Variants in SBF1 observed in about 807,000 individuals in gnomAD.
The protein encoded by SBF1 is myotubularin-related protein 5.
SBF1 carries 65 observed loss-of-function variants against 215.8 expected under a neutral mutation model. The observed-to-expected ratio is 0.30, with a 90% CI of 0.25 to 0.37. The LOEUF is 0.37. Among genes scored for constraint, SBF1 ranks in the 10% least tolerant of loss-of-function variants. The pLI is 1.00. For missense variants in SBF1, 2,634 were observed against 2,667.8 expected (o/e 0.99, Z 0.28); for synonymous variants, 1,410 against 1,122.8 (o/e 1.26, Z -5.11).
chr22:50,465,649 T>C, intron 10 of SBF1, 114 bp downstream of exon 10: 1 of 972,476 alleles, frequency 1.0e-6, no homozygotes, highest in Non-Finnish European at 1.5e-6. Flanking sequence ...CTGCTTCTGC[T>C]ACTGGAGCCG....
In SBF1 at chr22:50,467,810, G is replaced by A; in HGVS notation, c.255C>T (p.Phe85=). Reference sequence around the variant, plus strand: ...CCTGTGAAGGCTCCGCTGGCTCCCAGAAGGTCAAGCAGGCGCAGTAGTGGC... The same window carrying A: ...CCTGTGAAGGCTCCGCTGGCTCCCAAAAGGTCAAGCAGGCGCAGTAGTGGC... ...SERHYCACLT[F]WEPAEPSQET... is the part of the protein sequence containing the mutation. Residue 85 remains phenylalanine (F), a synonymous_variant, in exon 3 of 41, where the codon TTC becomes TTT. Transcript: ENST00000380817. 1.2e-6 allele frequency: 2 copies of A among 1,613,984 alleles called. No homozygotes were observed. Among genetic ancestry groups the A allele is most frequent in the Non-Finnish European group, 1.7e-6 (2 of 1,179,972 alleles).
At position 50,446,798 on chromosome 22, in the gene SBF1, C is replaced by T. The variant is rs1448861497; in HGVS notation, c.*344G>A. 3.3e-6 allele frequency: 2 copies of T among 612,578 alleles called. No individual in the cohort carries two copies. The highest frequency in any genetic ancestry group is 6.2e-6 in the Non-Finnish European group (2 of 323,420). 37.9% of individuals were successfully genotyped at this position (612,578 alleles called of 1,614,324 possible). ...AGCCGGGGAGTGGGGAAGGCAGGCA[C>T]AGGAGCGTGGCGTTAGTTCTCTCTT... On this transcript the variant is annotated 3_prime_UTR_variant, in exon 41 of 41. Coordinates refer to ENST00000380817, the MANE Select transcript of SBF1 (RefSeq NM_002972.4).
chr22:50,456,741 C>A lies in SBF1; in HGVS notation c.3905-68G>T, dbSNP rs542885915. ...CACCACTTACCTGGGGCTGGCTGGG[C>A]CCGGCCTCCAGGGAGGGGGCTGAGC... On this transcript the variant is annotated intron_variant, in intron 29 of 40. Transcript: ENST00000380817. The A allele has an allele frequency of 4.5e-5, 62 of 1,367,342 alleles. No individual in the cohort carries two copies. In the African/African-American group the frequency reaches 9.1e-4, roughly 20 times the overall value. 84.7% of individuals were successfully genotyped at this position (1,367,342 alleles called of 1,614,324 possible).
In SBF1 at chr22:50,456,538, G is replaced by A. The variant is rs750323488; in HGVS notation, c.4040C>T (p.Pro1347Leu). 17 of 1,590,150 alleles carry A rather than the reference G, an allele frequency of 1.1e-5. No individual in the cohort carries two copies. The highest frequency in any genetic ancestry group is 6.8e-5 in the South Asian group (6 of 87,666). The part of the protein sequence containing the change: ...GGPPDPGFLR[P>L]QRAALYILGD... ...AAGGATATAGAGGGCTGCTCGCTGC[G>A]GACGCAGGAAGCCCGGGTCGGGAGG... The change falls in exon 30 of 41, where the codon CCG (proline) becomes CTG (leucine). Residue 1347 changes from proline (P) to leucine (L), a missense_variant. Transcript: ENST00000380817.
In SBF1 at chr22:50,464,744, G is replaced by A. The variant is rs1320657700; in HGVS notation, c.1432-6C>T. 3 of 1,608,530 alleles carry A rather than the reference G, an allele frequency of 1.9e-6. No homozygotes were observed. The highest frequency in any genetic ancestry group is 1.7e-5 in the Admixed American group (1 of 59,874). Reference sequence around the variant, plus strand: ...ACGGCTGGGTACGGGTTCTCCTGTGGGGAGACGGCAGGTGTGGGGCAGGGG... The same window carrying A: ...ACGGCTGGGTACGGGTTCTCCTGTGAGGAGACGGCAGGTGTGGGGCAGGGG... On this transcript the variant is annotated splice_region_variant and splice_polypyrimidine_tract_variant and intron_variant, in intron 13 of 40. Coordinates refer to ENST00000380817, the MANE Select transcript of SBF1 (RefSeq NM_002972.4).
At position 50,460,338 on chromosome 22, in the gene SBF1, A is replaced by T. The variant is rs1489677378; in HGVS notation, c.3217T>A (p.Tyr1073Asn). ...CGGTGCTCCCAGCTGGGGGGGTTGT[A>T]CTTCTTGCGAGTGACATGCTGCCGC... ...IGRQHVTRKK[Y>N]NPPSWEHRGQ... Residue 1073 changes from tyrosine (Y) to asparagine (N), a missense_variant, in exon 25 of 41, where the codon TAC becomes AAC. Coordinates refer to ENST00000380817, the MANE Select transcript of SBF1 (RefSeq NM_002972.4). The T allele has an allele frequency of 3.1e-6, 5 of 1,613,270 alleles. No homozygotes were observed. The highest frequency in any genetic ancestry group is 3.4e-6 in the Non-Finnish European group (4 of 1,179,578).
At position 50,458,723 on chromosome 22, in the gene SBF1, G is replaced by A. The variant is rs114381788; in HGVS notation, c.3826+532C>T. Among the ~76,000 whole-genome samples, 757 of 152,334 alleles carry A rather than the reference G, an allele frequency of 5.0e-3. 5 individuals carry two copies. The highest frequency in any genetic ancestry group is 0.018 in the African/African-American group (733 of 41,566). On this transcript the variant is annotated intron_variant, in intron 28 of 40. Transcript: ENST00000380817. ...GCGCCTGTGAAGTGTGCGTGGCGGTGGGGACAGAGACAGCAAGGCCAGCTC... is the reference window on the plus strand; with the variant it reads ...GCGCCTGTGAAGTGTGCGTGGCGGTAGGGACAGAGACAGCAAGGCCAGCTC...
chr22:50,451,831 A>G (rs1375524360), intron 36 of SBF1, among the ~76,000 whole-genome samples: 1 of 148,708 alleles, frequency 6.7e-6, no homozygotes, highest in Non-Finnish European at 1.5e-5. Flanking sequence ...AGTCTCACTC[A>G]TGTCGCCCAG....
chr22:50,447,983 C>T (rs1283249050), intron 38 of SBF1, among the ~76,000 whole-genome samples: 2 of 152,220 alleles, frequency 1.3e-5, no homozygotes, highest in Non-Finnish European at 2.9e-5. Flanking sequence ...GCAGCAGCTG[C>T]CTGGGATGGA....
intron 26 of SBF1, 36 bp downstream of exon 26, chr22:50,459,916 T>C (rs766404523): frequency 2.8e-5 from 45 of 1,607,166 alleles, no homozygotes; most frequent in Non-Finnish European, 3.7e-5. Context: ...CCCAGTCACG[T>C]GTCCACCACC....
chr22:50,452,739 A>C (rs1234124405), intron 36 of SBF1, among the ~76,000 whole-genome samples: 2 of 150,896 alleles, frequency 1.3e-5, no homozygotes, highest in East Asian at 3.9e-4. Flanking sequence ...AAAAAAAAAA[A>C]AAAAAAAAAA....
chr22:50,459,892 G>A (rs1049842841), intron 26 of SBF1, 60 bp downstream of exon 26: 87 of 1,571,514 alleles, frequency 5.5e-5, no homozygotes, highest in South Asian at 8.9e-5. Context: ...GGCCCACAGC[G>A]GGCAGGGAAG....
Position 50,466,858 on chromosome 22 carries a change from G to A in SBF1, c.550-148C>T, listed in dbSNP as rs575218579. On this transcript the variant is annotated intron_variant, in intron 5 of 40. Transcript: ENST00000380817. ...ATGGGCAACATGGCAAGAGGGAAAC[G>A]CCATGCCCTGCCTCTGTTGTCCCAA... 2,182 of 600,954 alleles carry A rather than the reference G, an allele frequency of 3.6e-3. 10 individuals are homozygous for A. Among genetic ancestry groups the A allele is most frequent in the South Asian group, 7.0e-3 (324 of 45,970 alleles). The allele number at this position is 600,954 out of a possible 1,614,324, so 37.2% of individuals were successfully genotyped here.
intron 31 of SBF1, 87 bp downstream of exon 31, chr22:50,456,129 C>A: frequency 7.2e-7 from 1 of 1,395,242 alleles, no homozygotes; most frequent in Non-Finnish European, 9.7e-7. Flanking sequence ...CACTGTCAGA[C>A]AAGCAAACCT....
intron 1 of SBF1, 53 bp from the exon 2 acceptor site, chr22:50,468,514 G>A (rs2067875990): frequency 3.0e-6 from 4 of 1,326,440 alleles, no homozygotes; most frequent in Non-Finnish European, 4.1e-6. Context: ...CACCCACCAG[G>A]AGGCTTGAGG....
rs777402255 is a variant in SBF1 at position 50,454,674 on chromosome 22, G to A, written c.4881C>T (p.Ala1627=). 7.0e-6 allele frequency: 11 copies of A among 1,575,908 alleles called. No homozygotes were observed. The highest frequency in any genetic ancestry group is 4.1e-5 in the African/African-American group (3 of 73,654). The change falls in exon 36 of 41, where the codon GCC becomes GCT. Residue 1627 remains alanine, a synonymous_variant. Coordinates refer to ENST00000380817, the MANE Select transcript of SBF1 (RefSeq NM_002972.4). Reference sequence around the variant, plus strand: ...GTTCCCAGTCATAGGGAGGGCCCTCGGCCAGCGTCTCCTCAGTGTAGAAGT... The same window carrying A: ...GTTCCCAGTCATAGGGAGGGCCCTCAGCCAGCGTCTCCTCAGTGTAGAAGT... ...VWDFYTEETL[A]EGPPYDWELA... is the part of the protein sequence containing the mutation.
At chr22:50,461,739 G>A (rs1180990389) in intron 21 of SBF1, 21 bp from the exon 22 acceptor site, 12 of 1,609,510 alleles carry the variant, frequency 7.5e-6, no homozygotes, top group East Asian at 2.2e-5. Context: ...ACAAGAGCAG[G>A]AGCTCAGGAT....
In SBF1 at chr22:50,467,594, G is replaced by A. The variant is rs1182146385; in HGVS notation, c.376C>T (p.Gln126Ter). ...LSPTAPAPSA[Q>*]LFAPKTLVLV... ...ACCAGCGTCTTCGGTGCAAACAGCT[G>A]GGCAGATGGGGCAGGTGCTGTGGGA... The change falls in exon 4 of 41, where the codon CAG becomes TAG. Residue 126 changes from glutamine to a stop codon, truncating the protein, a stop_gained. Transcript: ENST00000380817. LOFTEE classifies it high-confidence loss of function. 1.9e-6 allele frequency: 3 copies of A among 1,614,144 alleles called. No individual in the cohort carries two copies. The highest frequency in any genetic ancestry group is 2.5e-6 in the Non-Finnish European group (3 of 1,180,002).
chr22:50,457,555 T>G (rs2067304455), intron 28 of SBF1, among the ~76,000 whole-genome samples: 1 of 151,926 alleles, frequency 6.6e-6, no homozygotes, highest in African/African-American at 2.4e-5. Flanking sequence ...GCCCAAGAGG[T>G]GTGGCCTGGA....
Sources: gnomAD v4.1 joint callset for allele counts (sites outside exome capture counted in the v4.1 genomes callset) on GRCh38, gnomAD v4.1.1 for gene constraint, MANE v1.5 for transcripts, NCBI Gene and HGNC (gene_info 2026-07-23, HGNC 2026-07-21) for gene names.